Variants in ACYP2 observed in about 807,000 individuals in gnomAD.
ACYP2 encodes acylphosphatase 2.
A neutral mutation model predicts 11.2 loss-of-function variants in ACYP2; 12 were observed. That is an observed-to-expected ratio of 1.08 (90% CI 0.69 to 1.74). The LOEUF (loss-of-function observed/expected upper bound fraction) is 1.74. Among genes scored for constraint, ACYP2 ranks in the 40% most tolerant of loss-of-function variants. The pLI is 0.00. For synonymous variants in ACYP2, 43 were observed against 32.2 expected (o/e 1.33, Z -1.13); for missense variants, 134 against 101.9 (o/e 1.31, Z -1.35).
chr2:54,220,783 C>T (rs139875012), intron 6 of ACYP2, among the ~76,000 whole-genome samples: 1 of 152,248 alleles, frequency 6.6e-6, no homozygotes, highest in African/African-American at 2.4e-5. Flanking sequence ...AAATTAGTGC[C>T]TTGTGTCTTT....
At chr2:54,251,533 C>A (rs947599243) in intron 6 of ACYP2, among the ~76,000 whole-genome samples, 3 of 152,142 alleles carry the variant, frequency 2.0e-5, no homozygotes, top group African/African-American at 7.2e-5. Context: ...ACATCACCAG[C>A]GCTTCAGAAT....
intron 2 of ACYP2, among the ~76,000 whole-genome samples, chr2:54,042,592 A>G (rs902743635): frequency 5.3e-5 from 8 of 151,860 alleles, no homozygotes; most frequent in South Asian, 2.1e-4. Context: ...ACTTTTTTTT[A>G]TTTTTCTTTT....
chr2:54,042,443 G>A (rs1191748986), intron 2 of ACYP2, among the ~76,000 whole-genome samples: 1 of 152,222 alleles, frequency 6.6e-6, no homozygotes, highest in Non-Finnish European at 1.5e-5. Context: ...ATAGAGTACA[G>A]GGGTTATTCT....
intron 4 of ACYP2, among the ~76,000 whole-genome samples, chr2:54,081,595 C>T (rs955420281): frequency 3.9e-5 from 6 of 152,248 alleles, no homozygotes; most frequent in African/African-American, 1.2e-4. Context: ...AAGCACACCC[C>T]GTAATGCTTG....
At chr2:54,120,242 A>G (rs960937513) in intron 4 of ACYP2, among the ~76,000 whole-genome samples, 4 of 152,074 alleles carry the variant, frequency 2.6e-5, no homozygotes, top group African/African-American at 9.7e-5. Context: ...TTCCCCATCA[A>G]CTTCCCTTGC....
chr2:54,192,158 A>T (rs986536786), intron 6 of ACYP2, among the ~76,000 whole-genome samples: 6 of 152,224 alleles, frequency 3.9e-5, no homozygotes, highest in Non-Finnish European at 7.3e-5. Context: ...ACGTGTATAT[A>T]TGTGTGTATA....
intron 2 of ACYP2, among the ~76,000 whole-genome samples, chr2:54,013,729 G>GAAAAAAAAA (rs377271771): frequency 9.9e-6 from 1 of 101,354 alleles, no homozygotes; most frequent in Non-Finnish European, 2.2e-5. Flanking sequence ...AGAGAAAAAA[G>GAAAAAAAAA]AAAAAAAAAA....
At chr2:54,231,576 C>T (rs1253688669) in intron 6 of ACYP2, among the ~76,000 whole-genome samples, 1 of 152,148 alleles carries the variant, frequency 6.6e-6, no homozygotes, top group African/African-American at 2.4e-5. Context: ...GTTGTTTCAC[C>T]TCTCTGAGTT....
chr2:54,272,737 T>G (rs1185923559), intron 6 of ACYP2, among the ~76,000 whole-genome samples: 1 of 152,208 alleles, frequency 6.6e-6, no homozygotes, highest in East Asian at 1.9e-4. Flanking sequence ...ATCCTTGAGT[T>G]GCTTATATTG....
intron 4 of ACYP2, among the ~76,000 whole-genome samples, chr2:54,092,598 G>A (rs1678294664): frequency 6.6e-6 from 1 of 152,192 alleles, no homozygotes; most frequent in African/African-American, 2.4e-5. Context: ...TAGTGGAAGA[G>A]GGAAATGGAG....
intron 6 of ACYP2, among the ~76,000 whole-genome samples, chr2:54,281,600 G>T (rs1688852539): frequency 6.6e-6 from 1 of 152,264 alleles, no homozygotes; most frequent in East Asian, 1.9e-4. Flanking sequence ...AAACCCTTAT[G>T]CTCAATTTTT....
rs796236288 is a variant in ACYP2 at position 54,082,242 on chromosome 2, C to CT, written c.277+24892dup. On this transcript the variant is annotated intron_variant, in intron 4 of 6. Transcript: ENST00000607452. ...ACATAATTTGTACACATATATAGCT[C>CT]TTTTTTTTTTCTTTTTTTTTTGAGA... Among the ~76,000 whole-genome samples the CT allele has an allele frequency of 4.3e-3, 642 of 147,880 alleles. 6 individuals carry two copies. The highest frequency in any genetic ancestry group is 0.014 in the African/African-American group (572 of 40,318).
chr2:54,031,884 G>A (rs187034039), intron 2 of ACYP2, among the ~76,000 whole-genome samples: 3 of 152,332 alleles, frequency 2.0e-5, no homozygotes, highest in East Asian at 1.9e-4. Context: ...CAGTGACGAT[G>A]AGCATTTTTT....
At chr2:54,073,266 C>A (rs1677158895) in intron 4 of ACYP2, among the ~76,000 whole-genome samples, 1 of 152,018 alleles carries the variant, frequency 6.6e-6, no homozygotes, top group African/African-American at 2.4e-5. Context: ...GTAGTGCATG[C>A]CTGTAGTCCC....
At chr2:54,061,816 G>C (rs940372356) in intron 4 of ACYP2, among the ~76,000 whole-genome samples, 1 of 152,238 alleles carries the variant, frequency 6.6e-6, no homozygotes, top group Admixed American at 6.5e-5. Context: ...GCTCAAGGCT[G>C]TAGTCCCGTC....
rs182555910 is a variant in ACYP2 at position 54,029,289 on chromosome 2, A to G, written c.63-21669A>G. 5.3e-3 allele frequency among the ~76,000 whole-genome samples: 811 copies of G among 152,226 alleles called. 3 individuals carry two copies. The highest frequency in any genetic ancestry group is 8.7e-3 in the Non-Finnish European group (593 of 68,018). On this transcript the variant is annotated intron_variant, in intron 2 of 6. Transcript: ENST00000607452. ...CGGTGGAGTACCATTTTCATCACACATATCAAGGGTACATACTACCAGCAT... is the reference window on the plus strand; with the variant it reads ...CGGTGGAGTACCATTTTCATCACACGTATCAAGGGTACATACTACCAGCAT...
Position 54,234,954 on chromosome 2 carries a change from C to A in ACYP2, c.405-69734C>A, listed in dbSNP as rs1686404289. Among the ~76,000 whole-genome samples the A allele has an allele frequency of 3.3e-5, 5 of 152,262 alleles. 1 individual carries two copies. In the South Asian group the frequency reaches 1.0e-3, roughly 32 times the overall value. On this transcript the variant is annotated intron_variant, in intron 6 of 6. Coordinates refer to ENST00000607452, the MANE Select transcript of ACYP2 (RefSeq NM_001320586.2). ...AACTGATGTCTTATCCTTCTTAGTG[C>A]CTCAAACTAGATCCTGTTCAGACAT...
At chr2:53,985,577 A>T (rs965075874) in intron 2 of ACYP2, among the ~76,000 whole-genome samples, 5 of 152,180 alleles carry the variant, frequency 3.3e-5, no homozygotes, top group African/African-American at 1.2e-4. Context: ...GAACTATCCA[A>T]ATACCTATCA....
chr2:54,096,213 G>C (rs1160181713), intron 4 of ACYP2, among the ~76,000 whole-genome samples: 5 of 147,250 alleles, frequency 3.4e-5, no homozygotes, highest in Admixed American at 1.3e-4. Context: ...GCCGGGCAGA[G>C]ACGCTCCTCA....
Sources: allele counts gnomAD v4.1 joint callset (sites outside exome capture counted in the v4.1 genomes callset), GRCh38; gene constraint gnomAD v4.1.1; transcripts MANE v1.5; gene names NCBI Gene and HGNC (gene_info 2026-07-23, HGNC 2026-07-21).